The following UNC13C variants were observed in gnomAD, a reference collection of about 807,000 sequenced individuals.
The protein encoded by UNC13C is unc-13 homolog C.
In UNC13C, 174 loss-of-function variants were observed where a neutral mutation model predicts 245.4. That is an observed-to-expected ratio of 0.71 (90% CI 0.63 to 0.80). UNC13C has a LOEUF of 0.80. UNC13C is among the 30% of genes least tolerant of loss of function. UNC13C has a pLI of 0.00. For synonymous variants in UNC13C, 992 were observed against 895.1 expected (o/e 1.11, Z -1.93); for missense variants, 2,829 against 2,602.9 (o/e 1.09, Z -1.89).
the UNC13C span, among the ~76,000 whole-genome samples, chr15:53,858,132 TG>T: frequency 3.9e-5 from 6 of 152,214 alleles, no homozygotes; most frequent in Non-Finnish European, 8.8e-5. Context: ...TCTTCATTTT[TG>T]ATATGTACAT....
chr15:54,202,319 T>C (rs1373613143), intron 4 of UNC13C, among the ~76,000 whole-genome samples: 3 of 151,774 alleles, frequency 2.0e-5, no homozygotes, highest in Non-Finnish European at 4.4e-5. Flanking sequence ...GAAAAAACCA[T>C]TGTAAGACTC....
At chr15:54,330,341 A>C (rs1180378274) in intron 14 of UNC13C, among the ~76,000 whole-genome samples, 1 of 152,076 alleles carries the variant, frequency 6.6e-6, no homozygotes, top group East Asian at 1.9e-4. Flanking sequence ...AAACCATGGC[A>C]TGTGGTCATC....
chr15:54,267,481 GT>G (rs2036576176), intron 10 of UNC13C, among the ~76,000 whole-genome samples: 2 of 152,000 alleles, frequency 1.3e-5, no homozygotes, highest in African/African-American at 2.4e-5. Flanking sequence ...CAGTTAAAAA[GT>G]GATTTTTCTA....
At chr15:54,205,421 T>C (rs1332730540) in intron 4 of UNC13C, among the ~76,000 whole-genome samples, 2 of 152,020 alleles carry the variant, frequency 1.3e-5, no homozygotes, top group Non-Finnish European at 2.9e-5. Flanking sequence ...ATTCTTCAAC[T>C]AATATCAGGT....
chr15:54,144,120 A>G (rs2032151199), intron 4 of UNC13C, among the ~76,000 whole-genome samples: 1 of 152,198 alleles, frequency 6.6e-6, no homozygotes, highest in Non-Finnish European at 1.5e-5. Context: ...GTTGCATAGT[A>G]TTACACTTAA....
At chr15:54,594,653 T>C (rs769814296) in intron 30 of UNC13C, among the ~76,000 whole-genome samples, 1 of 152,152 alleles carries the variant, frequency 6.6e-6, no homozygotes, top group Non-Finnish European at 1.5e-5. Flanking sequence ...GCACAAACTG[T>C]AGGGCCGGTC....
intron 22 of UNC13C, 26 bp downstream of exon 22, chr15:54,501,004 T>G (rs1212963037): frequency 1.2e-6 from 2 of 1,608,340 alleles, no homozygotes; most frequent in African/African-American, 1.3e-5. Flanking sequence ...TGAGTCTTCT[T>G]TTTCTCTGGG....
At chr15:54,506,274 T>C (rs1338001199) in intron 22 of UNC13C, among the ~76,000 whole-genome samples, 1 of 152,192 alleles carries the variant, frequency 6.6e-6, no homozygotes, top group Non-Finnish European at 1.5e-5. Flanking sequence ...TTCAAGTTTA[T>C]AATGTCATCA....
At chr15:54,084,909 A>T (rs1344270058) in intron 2 of UNC13C, among the ~76,000 whole-genome samples, 1 of 152,154 alleles carries the variant, frequency 6.6e-6, no homozygotes, top group Non-Finnish European at 1.5e-5. Flanking sequence ...TTGCATTCAA[A>T]AGTAGTGGTG....
chr15:54,465,621 C>T (rs925973152), intron 19 of UNC13C, among the ~76,000 whole-genome samples: 4 of 151,874 alleles, frequency 2.6e-5, no homozygotes, highest in Middle Eastern at 3.2e-3. Context: ...ATAACTCATT[C>T]AGGATGGGGA....
intron 25 of UNC13C, among the ~76,000 whole-genome samples, chr15:54,527,944 G>A (rs968920770): frequency 2.0e-5 from 3 of 152,140 alleles, no homozygotes; most frequent in Non-Finnish European, 4.4e-5. Context: ...AGTAATCAAT[G>A]TGATCATGCT....
At chr15:54,579,033 A>G (rs930040983) in intron 30 of UNC13C, among the ~76,000 whole-genome samples, 3 of 152,212 alleles carry the variant, frequency 2.0e-5, no homozygotes, top group Non-Finnish European at 4.4e-5. Context: ...GCCTCCAGTA[A>G]AAATCCAGGT....
At chr15:54,266,294 G>C (rs983644366) in intron 10 of UNC13C, among the ~76,000 whole-genome samples, 1 of 151,942 alleles carries the variant, frequency 6.6e-6, no homozygotes, top group African/African-American at 2.4e-5. Context: ...TTAAGAAATA[G>C]GTTTGGAAAA....
intron 13 of UNC13C, chr15:54,321,044 T>C: frequency 2.1e-6 from 1 of 466,644 alleles, no homozygotes. Flanking sequence ...ACCAAAGTTG[T>C]TATTCCCCCG....
At chr15:53,924,944 A>G in the UNC13C span, among the ~76,000 whole-genome samples, 1 of 152,232 alleles carries the variant, frequency 6.6e-6, no homozygotes, top group Admixed American at 6.5e-5. Context: ...CGTGTTTTCT[A>G]GCCTGCCTAT....
At position 54,434,448 on chromosome 15, in the gene UNC13C, G is replaced by A. The variant is rs563881923; in HGVS notation, c.4933+19381G>A. Among the ~76,000 whole-genome samples the A allele has an allele frequency of 3.9e-5, 6 of 151,964 alleles. No individual in the cohort carries two copies. The East Asian group carries it at 1.2e-3, about 30-fold the overall frequency. On this transcript the variant is annotated intron_variant, in intron 19 of 32. Coordinates refer to ENST00000260323, the MANE Select transcript of UNC13C (RefSeq NM_001080534.3). ...ATAACACCACATATCTAAATCATCT[G>A]ATCTTCAACAAAATGACAAAAAGGA...
At chr15:54,626,392 A>ATAAT (rs1418581506) in intron 32 of UNC13C, among the ~76,000 whole-genome samples, 1 of 150,516 alleles carries the variant, frequency 6.6e-6, no homozygotes, top group East Asian at 2.0e-4. Context: ...ACTCCTAGAT[A>ATAAT]TAATAGCTTA....
chr15:54,472,818 GCT>G (rs1040322774), intron 19 of UNC13C, among the ~76,000 whole-genome samples: 3 of 151,688 alleles, frequency 2.0e-5, no homozygotes, highest in Non-Finnish European at 4.4e-5. Flanking sequence ...TGCTTTCAAG[GCT>G]CTCTTTTTGT....
chr15:54,531,581 GAGA>G (rs1439023711), intron 25 of UNC13C, among the ~76,000 whole-genome samples: 2 of 151,974 alleles, frequency 1.3e-5, no homozygotes, highest in Non-Finnish European at 2.9e-5. Context: ...GAGGAAAGCC[GAGA>G]AGGTGTGGAG....
Sources: gnomAD v4.1 joint callset for allele counts (sites outside exome capture counted in the v4.1 genomes callset) on GRCh38, gnomAD v4.1.1 for gene constraint, MANE v1.5 for transcripts, NCBI Gene and HGNC (gene_info 2026-07-23, HGNC 2026-07-21) for gene names.